DOK6: variants seen among roughly 807,000 people sequenced by gnomAD.
DOK6 encodes the protein downstream of tyrosine kinase 6.
Under a neutral mutation model 44.0 loss-of-function variants are expected in DOK6, and 22 were observed. The observed-to-expected ratio is 0.50, with a 90% confidence interval of 0.36 to 0.71. DOK6 has a LOEUF of 0.71. DOK6 is among the 30% of genes least tolerant of loss of function. The pLI is 0.00. For synonymous variants in DOK6, 166 were observed against 145.5 expected (o/e 1.14, Z -1.01); for missense variants, 340 against 416.4 (o/e 0.82, Z 1.60).
At chr18:69,512,551 C>G (rs1342734457) in intron 1 of DOK6, among the ~76,000 whole-genome samples, 2 of 151,960 alleles carry the variant, frequency 1.3e-5, no homozygotes, top group Admixed American at 1.3e-4. Flanking sequence ...GCCATGTTGG[C>G]CAGGTTGGTC....
At chr18:69,466,652 A>G (rs775249423) in intron 1 of DOK6, among the ~76,000 whole-genome samples, 23 of 152,224 alleles carry the variant, frequency 1.5e-4, no homozygotes, top group Non-Finnish European at 2.9e-4. Flanking sequence ...ATTTTTCAAA[A>G]ACAAAAAAAA....
intron 7 of DOK6, among the ~76,000 whole-genome samples, chr18:69,840,868 C>T (rs1375525496): frequency 6.6e-6 from 1 of 152,186 alleles, no homozygotes; most frequent in Non-Finnish European, 1.5e-5. Flanking sequence ...AAGAAAGCAG[C>T]TTACAGGCTC....
chr18:69,401,845 C>T (rs1269108779), intron 1 of DOK6, among the ~76,000 whole-genome samples: 1 of 152,182 alleles, frequency 6.6e-6, no homozygotes, highest in African/African-American at 2.4e-5. Context: ...GCTCCCGCGC[C>T]CCGCAAGTGC....
intron 5 of DOK6, among the ~76,000 whole-genome samples, chr18:69,735,461 G>A (rs189561663): frequency 6.6e-6 from 1 of 152,346 alleles, no homozygotes; most frequent in Admixed American, 6.5e-5. Flanking sequence ...AAAGTCACAA[G>A]GGATAAAGGC....
chr18:69,534,207 A>G (rs538166564), intron 1 of DOK6, among the ~76,000 whole-genome samples: 1 of 152,278 alleles, frequency 6.6e-6, no homozygotes, highest in South Asian at 2.1e-4. Context: ...TGACTATGCT[A>G]TATGTGTCTC....
chr18:69,514,549 C>T (rs1428117610), intron 1 of DOK6, among the ~76,000 whole-genome samples: 3 of 151,940 alleles, frequency 2.0e-5, no homozygotes, highest in Non-Finnish European at 4.4e-5. Flanking sequence ...AAATGAAAAA[C>T]ATAGAGTACA....
At chr18:69,531,271 T>TAA (rs1491136949) in intron 1 of DOK6, among the ~76,000 whole-genome samples, 4 of 145,026 alleles carry the variant, frequency 2.8e-5, no homozygotes, top group African/African-American at 9.9e-5. Flanking sequence ...TATATATATA[T>TAA]AATATATTAT....
rs944692045 is a variant in DOK6, at chr18:69,844,350, A to C, written c.*2967A>C. The C allele has an allele frequency of 1.3e-5, 2 of 152,190 alleles. No homozygotes were observed. The highest frequency in any genetic ancestry group is 4.8e-5 in the African/African-American group (2 of 41,430). The allele number at this position is 152,190 out of a possible 1,614,324, so 9.4% of individuals were successfully genotyped here. ...ATCAGGTTGGAAGAGACCAATGATA[A>C]AGGAACCCAACGTAAGGAATAGCAG... On this transcript the variant is annotated 3_prime_UTR_variant, in exon 8 of 8. Transcript: ENST00000382713.
intron 1 of DOK6, among the ~76,000 whole-genome samples, chr18:69,443,937 C>CCATAAA (rs80148319): frequency 0.49 from 74,583 of 151,000 alleles, 19,295 homozygotes; most frequent in East Asian, 0.72. Context: ...TTACCACATT[C>CCATAAA]CATAAACATA....
At chr18:69,574,601 T>G (rs1983194356) in intron 2 of DOK6, among the ~76,000 whole-genome samples, 1 of 151,994 alleles carries the variant, frequency 6.6e-6, no homozygotes, top group South Asian at 2.1e-4. Context: ...CACAATGATT[T>G]GAAGAGAATT....
At chr18:69,689,200 C>G (rs1986213744) in intron 4 of DOK6, among the ~76,000 whole-genome samples, 1 of 152,086 alleles carries the variant, frequency 6.6e-6, no homozygotes, top group South Asian at 2.1e-4. Context: ...AGGGCCTGGA[C>G]AACTGAAAAG....
chr18:69,452,003 C>G (rs1979481860), intron 1 of DOK6, among the ~76,000 whole-genome samples: 1 of 144,452 alleles, frequency 6.9e-6, no homozygotes, highest in African/African-American at 2.6e-5. Context: ...ATTAAAAGAA[C>G]TAGAAAAGCA....
At chr18:69,553,871 T>C (rs1333032633) in intron 1 of DOK6, among the ~76,000 whole-genome samples, 3 of 152,200 alleles carry the variant, frequency 2.0e-5, no homozygotes, top group African/African-American at 7.2e-5. Flanking sequence ...AGCTGTTTGA[T>C]GTCCACCTGC....
intron 3 of DOK6, among the ~76,000 whole-genome samples, chr18:69,643,942 T>C (rs1394538899): frequency 6.6e-6 from 1 of 152,160 alleles, no homozygotes; most frequent in South Asian, 2.1e-4. Flanking sequence ...AATTTGGCCA[T>C]CCGGATAGGT....
chr18:69,677,785 C>A lies in DOK6; in HGVS notation c.341C>A (p.Thr114Asn). 1 of 1,613,782 alleles carries A rather than the reference C, an allele frequency of 6.2e-7. No individual in the cohort carries two copies. ...CACCTCTGCATGGAGTGTCTGGGGA[C>A]CAGGCTCAATGATATCAGCCTTGGG... ...CKHLCMECLG[T>N]RLNDISLGEP... Residue 114 changes from threonine (T) to asparagine (N), a missense_variant, in exon 4 of 8, where the codon ACC becomes AAC. Around this residue, in one of 3 missense-constraint regions of DOK6, gnomAD observed 206 missense variants for 258.6 expected, o/e 0.80. Transcript: ENST00000382713.
At chr18:69,757,905 T>G (rs750324228) in intron 7 of DOK6, 32 bp downstream of exon 7, 88 of 1,553,430 alleles carry the variant, frequency 5.7e-5, no homozygotes, top group Admixed American at 1.8e-4. Flanking sequence ...AAGCAGTGCC[T>G]CCATAAGCTT....
In DOK6 at chr18:69,430,123, A is replaced by G. The variant is rs182796478; in HGVS notation, c.66+28813A>G. 2.6e-5 allele frequency among the ~76,000 whole-genome samples: 4 copies of G among 152,294 alleles called. No individual in the cohort carries two copies. The South Asian group carries it at 6.2e-4, about 24-fold the overall frequency. ...GTAGAGGGACAATTATAACTATTAG[A>G]TCTACCTGTGTTGGAAGGTCTAGGA... On this transcript the variant is annotated intron_variant, in intron 1 of 7. Transcript: ENST00000382713.
chr18:69,817,328 T>C lies in DOK6; in HGVS notation c.857-23916T>C, dbSNP rs891044672. Among the ~76,000 whole-genome samples, 11 of 152,308 alleles carry C rather than the reference T, an allele frequency of 7.2e-5. 1 individual carries two copies. Among genetic ancestry groups the C allele is most frequent in the South Asian group, 4.1e-4 (2 of 4,828 alleles). The stretch of plus-strand genomic sequence containing the variant: ...TTAAAAAAAATGAAAATAATAAAAA[T>C]AATCCTTAAGGTTATTTGACCCTAA... On this transcript the variant is annotated intron_variant, in intron 7 of 7. Coordinates refer to ENST00000382713, the MANE Select transcript of DOK6 (RefSeq NM_152721.6).
intron 3 of DOK6, among the ~76,000 whole-genome samples, chr18:69,636,795 G>A (rs562840543): frequency 6.5e-4 from 99 of 152,062 alleles, no homozygotes; most frequent in Non-Finnish European, 1.1e-3. Flanking sequence ...CCACATTTTC[G>A]GTTCCAGTAC....
Sources: gnomAD v4.1 joint callset for allele counts (sites outside exome capture counted in the v4.1 genomes callset) on GRCh38, gnomAD v4.1.1 for gene constraint, gnomAD v4.1.1 regional missense constraint, MANE v1.5 for transcripts, NCBI Gene and HGNC (gene_info 2026-07-23, HGNC 2026-07-21) for gene names.